Variants in SGCZ observed in about 807,000 individuals in gnomAD.
The protein encoded by SGCZ is sarcoglycan zeta.
Under a neutral mutation model 41.3 loss-of-function variants are expected in SGCZ, and 40 were observed. That is an observed-to-expected ratio of 0.97 (90% CI 0.75 to 1.26). SGCZ has a LOEUF of 1.26. SGCZ is among the 50% of genes most tolerant of loss of function. The pLI, the probability that SGCZ is intolerant of heterozygous loss-of-function variation, is 0.00. For missense variants in SGCZ, 552 were observed against 369.8 expected, an observed-to-expected ratio of 1.49 and a Z score of -4.04; for synonymous variants, 206 against 137.5, an observed-to-expected ratio of 1.50 and a Z score of -3.49.
chr8:14,486,260 A>C (rs1329358862), intron 2 of SGCZ, among the ~76,000 whole-genome samples: 2 of 152,086 alleles, frequency 1.3e-5, no homozygotes, highest in African/African-American at 4.8e-5. Context: ...GCATTGTTGT[A>C]GTTCCTGTGG....
intron 1 of SGCZ, among the ~76,000 whole-genome samples, chr8:15,014,060 A>C (rs900688955): frequency 6.6e-5 from 10 of 152,196 alleles, no homozygotes; most frequent in African/African-American, 2.4e-4. Context: ...GAGAATAATA[A>C]ATGCTGTTTG....
chr8:14,987,678 C>A (rs1046504808), intron 1 of SGCZ, among the ~76,000 whole-genome samples: 4 of 151,924 alleles, frequency 2.6e-5, no homozygotes, highest in African/African-American at 9.7e-5. Context: ...TCCTGGGCAT[C>A]TTTACTGGAA....
intron 4 of SGCZ, among the ~76,000 whole-genome samples, chr8:14,166,533 T>G (rs953801606): frequency 6.6e-6 from 1 of 152,156 alleles, no homozygotes; most frequent in Admixed American, 6.5e-5. Context: ...AAAGGTATTA[T>G]AGATATCTTA....
intron 1 of SGCZ, among the ~76,000 whole-genome samples, chr8:14,702,740 G>A (rs978330337): frequency 1.3e-5 from 1 of 77,554 alleles, no homozygotes; most frequent in African/African-American, 3.1e-5. Context: ...ATGATAGATA[G>A]ATAGATAGAT....
At chr8:14,261,044 G>A (rs10111543) in intron 3 of SGCZ, among the ~76,000 whole-genome samples, 58,030 of 151,778 alleles carry the variant, frequency 0.38, 12,513 homozygotes, top group Non-Finnish European at 0.5. Context: ...ACATGTATAC[G>A]TATGTAACTA....
At chr8:14,739,907 C>A (rs967181118) in intron 1 of SGCZ, among the ~76,000 whole-genome samples, 1 of 151,958 alleles carries the variant, frequency 6.6e-6, no homozygotes, top group Non-Finnish European at 1.5e-5. Context: ...TTCCGTACCA[C>A]CCACCAAATA....
At chr8:14,878,949 T>C (rs1804473122) in intron 1 of SGCZ, 1 of 152,234 alleles carries the variant, frequency 6.6e-6, no homozygotes, top group African/African-American at 2.4e-5. Flanking sequence ...ACCTATTCCC[T>C]ATAAAGGTGG....
intron 1 of SGCZ, among the ~76,000 whole-genome samples, chr8:14,633,653 ATCT>A (rs1339648651): frequency 1.3e-5 from 2 of 151,946 alleles, no homozygotes; most frequent in East Asian, 3.9e-4. Flanking sequence ...GTCATAACAG[ATCT>A]TCTTACTTAT....
At chr8:14,788,869 G>T (rs980928974) in intron 1 of SGCZ, among the ~76,000 whole-genome samples, 2 of 152,068 alleles carry the variant, frequency 1.3e-5, no homozygotes, top group African/African-American at 2.4e-5. Context: ...CCAGTGCTTT[G>T]GGTAGCCAAG....
intron 2 of SGCZ, among the ~76,000 whole-genome samples, chr8:14,347,497 G>A (rs925094844): frequency 6.6e-6 from 1 of 151,770 alleles, no homozygotes; most frequent in Non-Finnish European, 1.5e-5. Flanking sequence ...TAATAGTTTA[G>A]TCACTGCATT....
At chr8:14,431,250 G>GAAC (rs1274996886) in intron 2 of SGCZ, among the ~76,000 whole-genome samples, 4 of 152,204 alleles carry the variant, frequency 2.6e-5, no homozygotes, top group African/African-American at 9.6e-5. Context: ...TAAAGAAAAA[G>GAAC]AACAAAGCTG....
chr8:14,776,010 A>G (rs913667431), intron 1 of SGCZ, among the ~76,000 whole-genome samples: 1 of 152,220 alleles, frequency 6.6e-6, no homozygotes, highest in Non-Finnish European at 1.5e-5. Context: ...ACGTCATCAC[A>G]TGTACAAACA....
At chr8:14,851,682 G>C (rs1023307980) in intron 1 of SGCZ, among the ~76,000 whole-genome samples, 1 of 152,072 alleles carries the variant, frequency 6.6e-6, no homozygotes, top group Non-Finnish European at 1.5e-5. Flanking sequence ...GTATCTTAGA[G>C]GTAATCCATT....
At chr8:14,264,778 G>A (rs1224975282) in intron 3 of SGCZ, among the ~76,000 whole-genome samples, 3 of 152,074 alleles carry the variant, frequency 2.0e-5, no homozygotes, top group Admixed American at 6.6e-5. Flanking sequence ...TGGCTAACAC[G>A]GTGAAACCCC....
chr8:15,181,255 A>G (rs924602511), intron 1 of SGCZ, among the ~76,000 whole-genome samples: 51 of 152,172 alleles, frequency 3.4e-4, no homozygotes, highest in Non-Finnish European at 1.5e-4. Context: ...ACAAATTAGA[A>G]TAAAGATTTA....
intron 3 of SGCZ, among the ~76,000 whole-genome samples, chr8:14,248,531 A>G (rs1478567234): frequency 6.6e-6 from 1 of 152,158 alleles, no homozygotes; most frequent in Non-Finnish European, 1.5e-5. Flanking sequence ...TTGGTACTGT[A>G]AAAAGAATAA....
chr8:14,756,142 C>A (rs866468361), intron 1 of SGCZ, among the ~76,000 whole-genome samples: 1 of 150,732 alleles, frequency 6.6e-6, no homozygotes, highest in Non-Finnish European at 1.5e-5. Context: ...TGGGTTATGA[C>A]AGGCATATAG....
chr8:14,218,260 T>C (rs1184825745), intron 4 of SGCZ, among the ~76,000 whole-genome samples: 5 of 152,146 alleles, frequency 3.3e-5, no homozygotes, highest in Admixed American at 2.6e-4. Flanking sequence ...ACAAAGTCAA[T>C]ATAACACTTT....
intron 1 of SGCZ, among the ~76,000 whole-genome samples, chr8:14,760,642 G>A (rs903502187): frequency 6.6e-6 from 1 of 152,132 alleles, no homozygotes; most frequent in Admixed American, 6.6e-5. Flanking sequence ...TACCTCTGCA[G>A]CTAATTCAAA....
Sources: allele counts gnomAD v4.1 joint callset (sites outside exome capture counted in the v4.1 genomes callset), GRCh38; gene constraint gnomAD v4.1.1; transcripts MANE v1.5; gene names NCBI Gene and HGNC (gene_info 2026-07-23, HGNC 2026-07-21).